The following PDZD2 variants were observed in gnomAD, a reference collection of about 807,000 sequenced individuals.
PDZD2 encodes PDZ domain-containing protein 2.
A neutral mutation model predicts 220.7 loss-of-function variants in PDZD2; 90 were observed. The observed-to-expected ratio is 0.41, with a 90% CI of 0.34 to 0.49. The LOEUF is 0.49. Among genes scored for constraint, PDZD2 ranks in the 20% least tolerant of loss-of-function variants. The pLI is 0.28. For missense variants in PDZD2, 3,174 were observed against 3,608.5 expected (o/e 0.88, Z 3.08); for synonymous variants, 1,375 against 1,450.5 (o/e 0.95, Z 1.18).
At chr5:31,673,715 A>G (rs1746298237) in intron 1 of PDZD2, among the ~76,000 whole-genome samples, 2 of 152,162 alleles carry the variant, frequency 1.3e-5, no homozygotes, top group African/African-American at 4.8e-5. Context: ...TCACACCTGT[A>G]ATCCCAGCAC....
At chr5:31,703,100 G>C (rs2150134743) in intron 1 of PDZD2, among the ~76,000 whole-genome samples, 1 of 152,330 alleles carries the variant, frequency 6.6e-6, no homozygotes, top group East Asian at 1.9e-4. Context: ...TGGGCTTCAT[G>C]CTCTCTGAAT....
In PDZD2 at chr5:31,655,456, C is replaced by A. The variant is rs1220905383; in HGVS notation, c.-361+16019C>A. On this transcript the variant is annotated intron_variant, in intron 1 of 24. Coordinates refer to ENST00000438447, the MANE Select transcript of PDZD2 (RefSeq NM_178140.4). ...AAAGCGCGGGGATTACAGGCACGAG[C>A]CACTGCGCCCGGCCTAGTTTTTTAA... 3.9e-5 allele frequency among the ~76,000 whole-genome samples: 6 copies of A among 152,320 alleles called. No homozygotes were observed. The East Asian group carries it at 1.2e-3, about 29-fold the overall frequency.
intron 1 of PDZD2, among the ~76,000 whole-genome samples, chr5:31,772,999 G>A (rs1490917201): frequency 6.6e-6 from 1 of 152,210 alleles, no homozygotes; most frequent in Non-Finnish European, 1.5e-5. Context: ...GTTCATGTGA[G>A]ACAGAGGACT....
At chr5:31,723,157 C>A (rs1748904132) in intron 1 of PDZD2, among the ~76,000 whole-genome samples, 1 of 152,194 alleles carries the variant, frequency 6.6e-6, no homozygotes, top group Middle Eastern at 3.2e-3. Context: ...TAGAGTCAAT[C>A]CTTTAAACAC....
rs552619878 is a variant in PDZD2, at chr5:32,088,617, C to T, written c.5169C>T (p.Ile1723=). ...CCAGGCATTTTCACAGTCCGCCCAT[C>T]ATTCTCAGCTCCCCCAACATGGTAA... The part of the protein sequence containing the change: ...KVARHFHSPP[I]ILSSPNMVNG... The change falls in exon 20 of 25, where the codon ATC becomes ATT. Residue 1723 remains isoleucine, a synonymous_variant. Coordinates refer to ENST00000438447, the MANE Select transcript of PDZD2 (RefSeq NM_178140.4). This position sits in a 1 kb window ranked among gnomAD's most constrained non-coding sequence, Gnocchi z 4.6. 2 of 1,614,166 alleles carry T rather than the reference C, an allele frequency of 1.2e-6. No homozygotes were observed. The highest frequency in any genetic ancestry group is 2.7e-5 in the African/African-American group (2 of 75,068).
At position 32,072,321 on chromosome 5, in the gene PDZD2, A is replaced by C. The variant is rs1390716977; in HGVS notation, c.2725+4A>C. On this transcript the variant is annotated splice_donor_region_variant and intron_variant, in intron 17 of 24. Transcript: ENST00000438447. ...AGCCTGCCTCCCAGCACCTCCAGTA[A>C]GCAGGGGTGCCCCAGAGGGCCTGGG... 6.2e-7 allele frequency: 1 copy of C among 1,608,954 alleles called. No individual in the cohort carries two copies. Among genetic ancestry groups the C allele is most frequent in the South Asian group, 1.1e-5 (1 of 90,384 alleles).
At chr5:31,689,428 C>T (rs1360803924) in intron 1 of PDZD2, among the ~76,000 whole-genome samples, 2 of 140,390 alleles carry the variant, frequency 1.4e-5, no homozygotes, top group Non-Finnish European at 3.0e-5. Context: ...CTCCTGACCT[C>T]AGGAGATCTG....
intron 1 of PDZD2, among the ~76,000 whole-genome samples, chr5:31,775,080 C>G (rs1019647287): frequency 6.6e-6 from 1 of 152,200 alleles, no homozygotes; most frequent in Non-Finnish European, 1.5e-5. Context: ...AGCAGGCTGC[C>G]AACTACATTT....
chr5:31,724,550 C>T (rs1249124016), intron 1 of PDZD2, among the ~76,000 whole-genome samples: 3 of 146,710 alleles, frequency 2.0e-5, no homozygotes, highest in African/African-American at 7.6e-5. Flanking sequence ...TGCAGTGAGC[C>T]GAGATCGTGC....
chr5:31,882,275 C>T (rs1399568284), intron 2 of PDZD2, among the ~76,000 whole-genome samples: 1 of 152,160 alleles, frequency 6.6e-6, no homozygotes, highest in East Asian at 1.9e-4. Context: ...AGTGGCTCAC[C>T]TCCTTAAGTT....
rs867219018 is a variant in PDZD2, at chr5:32,069,251, G to A, written c.2452-318G>A. Among the ~76,000 whole-genome samples the A allele has an allele frequency of 3.7e-5, 5 of 136,490 alleles. No homozygotes were observed. In the South Asian group the frequency reaches 1.2e-3, roughly 34 times the overall value. The allele number at this position is 136,490 out of a possible 152,430, so 89.5% of individuals were successfully genotyped here. On this transcript the variant is annotated intron_variant, in intron 14 of 24. Transcript: ENST00000438447. The stretch of plus-strand genomic sequence containing the variant: ...GCTGCACTCCAGCTTGGGTAACAGA[G>A]AGACTCTGTCTCAAAAAAAAAAAAA...
chr5:31,714,955 A>G (rs1384807795), intron 1 of PDZD2, among the ~76,000 whole-genome samples: 1 of 151,398 alleles, frequency 6.6e-6, no homozygotes, highest in African/African-American at 2.4e-5. Context: ...GCTACTCGGG[A>G]GGCTGAGGCA....
At chr5:31,882,137 T>C (rs1739987933) in intron 2 of PDZD2, among the ~76,000 whole-genome samples, 1 of 152,226 alleles carries the variant, frequency 6.6e-6, no homozygotes, top group African/African-American at 2.4e-5. Context: ...ACTCTAGTGA[T>C]TCCATTTGTG....
At chr5:31,928,976 T>A (rs1745023899) in intron 2 of PDZD2, among the ~76,000 whole-genome samples, 1 of 151,852 alleles carries the variant, frequency 6.6e-6, no homozygotes, top group Non-Finnish European at 1.5e-5. Context: ...AACTTAGGAG[T>A]ATGCTGGGCT....
At chr5:31,643,670 A>G (rs1013843139) in intron 1 of PDZD2, among the ~76,000 whole-genome samples, 9 of 152,264 alleles carry the variant, frequency 5.9e-5, no homozygotes, top group South Asian at 2.1e-4. Flanking sequence ...AAAATCTGCA[A>G]TCCCCCTTGG....
intron 12 of PDZD2, 56 bp downstream of exon 12, chr5:32,058,159 T>C (rs1739286332): frequency 1.0e-5 from 9 of 888,346 alleles, no homozygotes; most frequent in African/African-American, 3.3e-5. Flanking sequence ...TTTTGGAATC[T>C]GTTGTTAGCT....
chr5:32,061,339 A>T (rs1739676810), intron 14 of PDZD2, among the ~76,000 whole-genome samples: 1 of 152,188 alleles, frequency 6.6e-6, no homozygotes, highest in Non-Finnish European at 1.5e-5. Flanking sequence ...TTATCTGGTA[A>T]ATTTGAAACT....
chr5:31,698,711 ATG>A (rs1249552430), intron 1 of PDZD2, among the ~76,000 whole-genome samples: 1 of 152,070 alleles, frequency 6.6e-6, no homozygotes, highest in East Asian at 1.9e-4. Flanking sequence ...CAATATCATG[ATG>A]TGTGTTATTA....
rs545629629 is a variant in PDZD2, at chr5:31,698,050, G to A, written c.-361+58613G>A. ...CCCAAGTAGCTGGGACTACAGTTGC[G>A]TGCCACCGCACCCAGCTAATTTTTT... On this transcript the variant is annotated intron_variant, in intron 1 of 24. Coordinates refer to ENST00000438447, the MANE Select transcript of PDZD2 (RefSeq NM_178140.4). Among the ~76,000 whole-genome samples the A allele has an allele frequency of 2.7e-5, 4 of 149,962 alleles. 1 individual carries two copies. Among genetic ancestry groups the A allele is most frequent in the South Asian group, 4.3e-4 (2 of 4,654 alleles).
Sources: allele counts gnomAD v4.1 joint callset (sites outside exome capture counted in the v4.1 genomes callset), GRCh38; gene constraint gnomAD v4.1.1; non-coding constraint Gnocchi (gnomAD v3.1); transcripts MANE v1.5; gene names NCBI Gene and HGNC (gene_info 2026-07-23, HGNC 2026-07-21).